The following MPPED2 variants were observed in gnomAD, a reference collection of about 807,000 sequenced individuals.
MPPED2 encodes the protein metallophosphoesterase domain containing 2, also known as metallophosphoesterase MPPED2.
Under a neutral mutation model 33.0 loss-of-function variants are expected in MPPED2, and 5 were observed. The ratio of observed to expected loss-of-function variants is 0.15; its 90% CI spans 0.08 to 0.32. The LOEUF (loss-of-function observed/expected upper bound fraction) is 0.32. MPPED2 is among the 10% of genes least tolerant of loss of function. The probability of loss-of-function intolerance (pLI) is 1.00; values close to 1 mark genes in which losing one functional copy is unlikely to be tolerated. For synonymous variants in MPPED2, 136 were observed against 141.9 expected (o/e 0.96, Z 0.29); for missense variants, 275 against 372.1 (o/e 0.74, Z 2.15).
intron 4 of MPPED2, among the ~76,000 whole-genome samples, chr11:30,463,239 A>T (rs137925275): frequency 7.2e-5 from 11 of 152,320 alleles, no homozygotes; most frequent in Non-Finnish European, 1.0e-4. Flanking sequence ...ACACCAAATG[A>T]TTGTAATTGT....
intron 4 of MPPED2, among the ~76,000 whole-genome samples, chr11:30,449,710 G>A (rs1949968168): frequency 6.6e-6 from 1 of 152,090 alleles, no homozygotes; most frequent in Non-Finnish European, 1.5e-5. Context: ...CTAAAAACAG[G>A]GCATAAACTT....
intron 2 of MPPED2, among the ~76,000 whole-genome samples, chr11:30,575,095 G>T (rs1466678610): frequency 2.0e-5 from 3 of 152,016 alleles, no homozygotes; most frequent in African/African-American, 7.2e-5. Context: ...TGAAATCTCA[G>T]ATCAGACAAA....
intron 2 of MPPED2, among the ~76,000 whole-genome samples, chr11:30,544,498 C>T (rs1955304584): frequency 6.6e-6 from 1 of 152,164 alleles, no homozygotes; most frequent in South Asian, 2.1e-4. Flanking sequence ...AAAGATGGTT[C>T]CCTCAAGGAT....
chr11:30,503,875 C>T (rs1453873882), intron 3 of MPPED2, among the ~76,000 whole-genome samples: 4 of 152,130 alleles, frequency 2.6e-5, no homozygotes, highest in South Asian at 4.1e-4. Context: ...GCTATGGCTC[C>T]CAGGTGCCCA....
chr11:30,503,439 G>C (rs1216406283), intron 3 of MPPED2, among the ~76,000 whole-genome samples: 1 of 152,076 alleles, frequency 6.6e-6, no homozygotes, highest in East Asian at 1.9e-4. Context: ...CATGAACAGG[G>C]AATATGGAAA....
At chr11:30,577,766 G>A (rs192360678) in intron 2 of MPPED2, among the ~76,000 whole-genome samples, 1 of 152,288 alleles carries the variant, frequency 6.6e-6, no homozygotes, top group Non-Finnish European at 1.5e-5. Flanking sequence ...AGGTAAGCCA[G>A]CCTCCTGACA....
intron 3 of MPPED2, among the ~76,000 whole-genome samples, chr11:30,527,181 C>T (rs556249888): frequency 6.6e-6 from 1 of 152,124 alleles, no homozygotes; most frequent in African/African-American, 2.4e-5. Flanking sequence ...CCGCCCGTCT[C>T]GGCCTCCCAA....
intron 4 of MPPED2, among the ~76,000 whole-genome samples, chr11:30,435,122 C>T (rs1465613798): frequency 6.6e-6 from 1 of 152,178 alleles, no homozygotes; most frequent in African/African-American, 2.4e-5. Context: ...TGTATGCTTT[C>T]TGAGTTATTA....
At chr11:30,462,420 A>T (rs1394438871) in intron 4 of MPPED2, among the ~76,000 whole-genome samples, 3 of 152,236 alleles carry the variant, frequency 2.0e-5, no homozygotes, top group African/African-American at 7.2e-5. Context: ...ATAGACTTCA[A>T]TACACGCTCT....
At position 30,495,520 on chromosome 11, in the gene MPPED2, T is replaced by C; in HGVS notation, c.312A>G (p.Gly104=). Residue 104 remains glycine (G), a splice_region_variant and synonymous_variant, in exon 4 of 7, where the codon GGA becomes GGG. Coordinates refer to ENST00000358117, the MANE Select transcript of MPPED2 (RefSeq NM_001584.3). ...CTATTTTATATTCATATGGCAGGTTTCCTGAAATAAGAAAAAAGAGCACCA... is the reference window on the plus strand; with the variant it reads ...CTATTTTATATTCATATGGCAGGTTCCCTGAAATAAGAAAAAAGAGCACCA... ...SEVKKFNDWL[G]NLPYEYKIVI... 6.2e-7 allele frequency: 1 copy of C among 1,611,926 alleles called. No individual in the cohort carries two copies. Among genetic ancestry groups the C allele is most frequent in the Non-Finnish European group, 8.5e-7 (1 of 1,178,206 alleles).
chr11:30,551,377 C>T (rs1955704423), intron 2 of MPPED2, among the ~76,000 whole-genome samples: 1 of 152,124 alleles, frequency 6.6e-6, no homozygotes, highest in South Asian at 2.1e-4. Flanking sequence ...ATCATGAGGC[C>T]TCTGTTATAA....
exon 7 of MPPED2, chr11:30,385,120 G>C (rs1383888733): frequency 6.6e-6 from 1 of 152,186 alleles, no homozygotes; most frequent in Non-Finnish European, 1.5e-5. Flanking sequence ...ACAAAGTTTT[G>C]TAACGTGTGT....
At chr11:30,518,893 TTCTA>T (rs753704060) in intron 3 of MPPED2, among the ~76,000 whole-genome samples, 42 of 152,322 alleles carry the variant, frequency 2.8e-4, no homozygotes, top group African/African-American at 9.9e-4. Context: ...CATTTTTTGT[TTCTA>T]TCTATTTTTA....
At chr11:30,562,020 A>C (rs1162506941) in intron 2 of MPPED2, among the ~76,000 whole-genome samples, 1 of 152,194 alleles carries the variant, frequency 6.6e-6, no homozygotes, top group African/African-American at 2.4e-5. Flanking sequence ...GAGCTTTGTA[A>C]AATGTACTGG....
chr11:30,476,852 C>T (rs542831949), intron 4 of MPPED2, among the ~76,000 whole-genome samples: 1 of 152,056 alleles, frequency 6.6e-6, no homozygotes, highest in East Asian at 1.9e-4. Context: ...CTGAGCAGTT[C>T]GCAAACATAA....
chr11:30,542,459 C>CAAAAAAAAAAAA (rs59474313), intron 2 of MPPED2, among the ~76,000 whole-genome samples: 2 of 77,782 alleles, frequency 2.6e-5, no homozygotes, highest in Non-Finnish European at 4.6e-5. Flanking sequence ...ACCAAAAGTA[C>CAAAAAAAAAAAA]AAAAAAAAAA....
intron 3 of MPPED2, among the ~76,000 whole-genome samples, chr11:30,519,261 C>A (rs1011392009): frequency 6.6e-6 from 1 of 151,974 alleles, no homozygotes; most frequent in African/African-American, 2.4e-5. Context: ...AGAGCAAGAT[C>A]CTGTCTCAAA....
chr11:30,537,385 AC>A (rs1322567026), intron 2 of MPPED2, among the ~76,000 whole-genome samples: 1 of 152,142 alleles, frequency 6.6e-6, no homozygotes, highest in African/African-American at 2.4e-5. Context: ...CCCAGCCCCA[AC>A]CCTTGATAGT....
intron 6 of MPPED2, chr11:30,389,102 G>A (rs890615349): frequency 6.2e-5 from 75 of 1,217,418 alleles, no homozygotes; most frequent in Non-Finnish European, 7.4e-5. Flanking sequence ...GACCAACTGT[G>A]TTAGATTAAG....
Sources: gnomAD v4.1 joint callset for allele counts (sites outside exome capture counted in the v4.1 genomes callset) on GRCh38, gnomAD v4.1.1 for gene constraint, MANE v1.5 for transcripts, NCBI Gene and HGNC (gene_info 2026-07-23, HGNC 2026-07-21) for gene names.